CDK14: variants seen among roughly 807,000 people sequenced by gnomAD.
CDK14 encodes the protein cyclin dependent kinase 14, also known as cyclin-dependent kinase 14.
Under a neutral mutation model 60.7 loss-of-function variants are expected in CDK14, and 34 were observed. That is an observed-to-expected ratio of 0.56 (90% CI 0.43 to 0.75). The LOEUF is 0.75. Ranked by LOEUF, CDK14 falls within the 30% of genes least tolerant of loss-of-function variation. The pLI is 0.00. For synonymous variants in CDK14, 197 were observed against 203.7 expected, an observed-to-expected ratio of 0.97 and a Z score of 0.28; for missense variants, 482 against 564.1, an observed-to-expected ratio of 0.85 and a Z score of 1.47.
At chr7:90,757,942 G>A (rs1031190351) in intron 4 of CDK14, among the ~76,000 whole-genome samples, 2 of 152,094 alleles carry the variant, frequency 1.3e-5, no homozygotes, top group Non-Finnish European at 2.9e-5. Context: ...TTGCTATTAG[G>A]CATAGTTTAG....
rs1042481864 is a variant in CDK14 at position 90,908,572 on chromosome 7, C to T, written c.703-9029C>T. Among the ~76,000 whole-genome samples the T allele has an allele frequency of 5.3e-5, 8 of 150,772 alleles. No homozygotes were observed. The South Asian group carries it at 1.5e-3, about 27-fold the overall frequency. ...TTTACACTCGTCACCTTGCCTCTCT[C>T]CAGTTTAAGATGGATCTGCACACGA... On this transcript the variant is annotated intron_variant, in intron 7 of 14. Coordinates refer to ENST00000380050, the MANE Select transcript of CDK14 (RefSeq NM_001287135.2).
intron 14 of CDK14, among the ~76,000 whole-genome samples, chr7:91,120,342 T>A (rs1052394309): frequency 6.6e-6 from 1 of 151,674 alleles, no homozygotes; most frequent in Non-Finnish European, 1.5e-5. Flanking sequence ...GAGATTTTTT[T>A]AAAAGGTGCT....
At chr7:90,770,775 A>G (rs963196522) in intron 4 of CDK14, among the ~76,000 whole-genome samples, 1 of 152,176 alleles carries the variant, frequency 6.6e-6, no homozygotes, top group African/African-American at 2.4e-5. Context: ...TGACATGCCT[A>G]CAACTGATCC....
At chr7:90,793,036 C>T (rs1480307038) in intron 5 of CDK14, among the ~76,000 whole-genome samples, 3 of 152,198 alleles carry the variant, frequency 2.0e-5, no homozygotes, top group Non-Finnish European at 4.4e-5. Context: ...TTACTCTCCA[C>T]ATCACACCCT....
chr7:90,740,167 TCTC>T (rs1258385808), intron 3 of CDK14, among the ~76,000 whole-genome samples: 2 of 151,694 alleles, frequency 1.3e-5, no homozygotes, highest in Admixed American at 6.6e-5. Context: ...CCTCCCTTCT[TCTC>T]CTCCGTTTCT....
At chr7:90,893,018 T>C (rs1292794601) in intron 6 of CDK14, among the ~76,000 whole-genome samples, 2 of 152,182 alleles carry the variant, frequency 1.3e-5, no homozygotes, top group East Asian at 3.8e-4. Context: ...GACCTCGTGA[T>C]CTGCCTGCCT....
chr7:90,792,749 C>T (rs1409081345), intron 5 of CDK14, among the ~76,000 whole-genome samples: 1 of 152,184 alleles, frequency 6.6e-6, no homozygotes, highest in Non-Finnish European at 1.5e-5. Context: ...ATTACTATCC[C>T]TTCTCTACTC....
In CDK14 at chr7:91,096,882, C is replaced by T. The variant is rs373027738; in HGVS notation, c.1155-15660C>T. Among the ~76,000 whole-genome samples the T allele has an allele frequency of 2.6e-5, 4 of 152,266 alleles. No individual in the cohort carries two copies. The South Asian group carries it at 8.3e-4, about 32-fold the overall frequency. On this transcript the variant is annotated intron_variant, in intron 12 of 14. Coordinates refer to ENST00000380050, the MANE Select transcript of CDK14 (RefSeq NM_001287135.2). ...ATATGGAGGAGATTCGTAAAACTAG[C>T]TACATTGCTAAGAGAATATTAAGTG...
At chr7:90,908,311 T>C (rs930770171) in intron 7 of CDK14, among the ~76,000 whole-genome samples, 1 of 152,154 alleles carries the variant, frequency 6.6e-6, no homozygotes, top group African/African-American at 2.4e-5. Context: ...GTCTTTTGCA[T>C]CCTCAGGATC....
rs140644821 is a variant in CDK14, at chr7:90,945,633, T to G, written c.827-10064T>G. 6.4e-4 allele frequency among the ~76,000 whole-genome samples: 98 copies of G among 152,322 alleles called. 1 individual carries two copies. Among genetic ancestry groups the G allele is most frequent in the African/African-American group, 2.3e-3 (94 of 41,574 alleles). On this transcript the variant is annotated intron_variant, in intron 8 of 14. Transcript: ENST00000380050. ...CTGAGCTCACTTTTCTCCTTCCTTATGATCATTTGGTCAGTTTGCTGCCCA... is the reference window on the plus strand; with the variant it reads ...CTGAGCTCACTTTTCTCCTTCCTTAGGATCATTTGGTCAGTTTGCTGCCCA...
chr7:90,711,557 G>A (rs1196293351), intron 2 of CDK14, among the ~76,000 whole-genome samples: 4 of 152,036 alleles, frequency 2.6e-5, no homozygotes, highest in East Asian at 3.9e-4. Flanking sequence ...GAGCAATAAC[G>A]TGACTGATTT....
At chr7:91,102,890 T>C (rs1799184006) in intron 12 of CDK14, among the ~76,000 whole-genome samples, 1 of 152,186 alleles carries the variant, frequency 6.6e-6, no homozygotes, top group African/African-American at 2.4e-5. Context: ...GATATAACCA[T>C]TGATATACTC....
At chr7:91,183,402 C>A (rs898170393) in intron 14 of CDK14, among the ~76,000 whole-genome samples, 2 of 152,182 alleles carry the variant, frequency 1.3e-5, no homozygotes, top group African/African-American at 4.8e-5. Flanking sequence ...ATTCATGGTC[C>A]CATTCTGCAC....
At chr7:90,697,299 C>A (rs1023908185) in intron 2 of CDK14, among the ~76,000 whole-genome samples, 1 of 152,052 alleles carries the variant, frequency 6.6e-6, no homozygotes, top group African/African-American at 2.4e-5. Flanking sequence ...TATCTACAGT[C>A]GCTATAACAT....
At chr7:90,893,026 C>T in intron 6 of CDK14, among the ~76,000 whole-genome samples, 1 of 152,144 alleles carries the variant, frequency 6.6e-6, no homozygotes, top group East Asian at 1.9e-4. Flanking sequence ...GATCTGCCTG[C>T]CTCGGCCTCC....
intron 5 of CDK14, among the ~76,000 whole-genome samples, chr7:90,818,468 C>G (rs1455683282): frequency 1.3e-5 from 2 of 152,184 alleles, no homozygotes; most frequent in Non-Finnish European, 2.9e-5. Context: ...GTTTTCAGAA[C>G]TGAGGAATCA....
intron 5 of CDK14, among the ~76,000 whole-genome samples, chr7:90,816,355 C>A (rs1475769310): frequency 6.6e-6 from 1 of 152,252 alleles, no homozygotes; most frequent in African/African-American, 2.4e-5. Flanking sequence ...TGAAAGTTTT[C>A]TAATGAAAAC....
chr7:91,187,610 C>T (rs1366338229), intron 14 of CDK14, among the ~76,000 whole-genome samples: 2 of 152,028 alleles, frequency 1.3e-5, no homozygotes, highest in Non-Finnish European at 2.9e-5. Flanking sequence ...CAGACACACA[C>T]GAGGAGTGAG....
At position 91,176,603 on chromosome 7, in the gene CDK14, A is replaced by G. The variant is rs942508544; in HGVS notation, c.*29-30562A>G. Among the ~76,000 whole-genome samples, 20 of 152,222 alleles carry G rather than the reference A, an allele frequency of 1.3e-4. No homozygotes were observed. In the East Asian group the frequency reaches 2.9e-3, roughly 22 times the overall value. Reference sequence around the variant, plus strand: ...AAAAAGAGAGAAGAATCAAATAGACACAATAAAAAATGATAAAGGGCATAT... The same window carrying G: ...AAAAAGAGAGAAGAATCAAATAGACGCAATAAAAAATGATAAAGGGCATAT... On this transcript the variant is annotated intron_variant, in intron 14 of 14. Transcript: ENST00000380050.
Sources: allele counts gnomAD v4.1 joint callset (sites outside exome capture counted in the v4.1 genomes callset), GRCh38; gene constraint gnomAD v4.1.1; transcripts MANE v1.5; gene names NCBI Gene and HGNC (gene_info 2026-07-23, HGNC 2026-07-21).